The following DLG4 variants were observed in gnomAD, a reference collection of about 807,000 sequenced individuals.
DLG4 encodes discs large MAGUK scaffold protein 4, also known as disks large homolog 4.
Under a neutral mutation model 93.8 loss-of-function variants are expected in DLG4, and 7 were observed. That is an observed-to-expected ratio of 0.07 (90% CI 0.04 to 0.14). DLG4 has a LOEUF of 0.14. DLG4 is among the 10% of genes least tolerant of loss of function. The pLI is 1.00. For synonymous variants in DLG4, 341 were observed against 387.6 expected (o/e 0.88, Z 1.41); for missense variants, 545 against 992.9 (o/e 0.55, Z 6.06).
upstream of DLG4, chr17:7,217,712 G>A: frequency 1.3e-6 from 2 of 1,534,840 alleles, no homozygotes; most frequent in Non-Finnish European, 1.7e-6. Flanking sequence ...TTCTGTGCTG[G>A]CAGGAACCCG....
At position 7,197,033 on chromosome 17, in the gene DLG4, G is replaced by C; in HGVS notation, c.807C>G (p.Asp269Glu). The change falls in exon 9 of 20, where the codon GAC becomes GAG. Residue 269 changes from aspartate (D) to glutamate (E), a missense_variant. Coordinates refer to ENST00000399506, the MANE Select transcript of DLG4 (RefSeq NM_001321075.3). The stretch of plus-strand genomic sequence containing the variant: ...GGTAGCTGCTGTGACTGATCTCATT[G>C]TCCAGGTGCTGGGAATAAGCTGAGG... ...DITTSYSQHLDNEISHSSYLG... is the reference protein window; with the variant it reads ...DITTSYSQHLENEISHSSYLG... The C allele has an allele frequency of 1.2e-6, 2 of 1,611,394 alleles. No individual in the cohort carries two copies. Among genetic ancestry groups the C allele is most frequent in the Non-Finnish European group, 1.7e-6 (2 of 1,178,216 alleles).
At chr17:7,217,919 G>A (rs1215877320), upstream of DLG4, 14 of 1,178,516 alleles carry the variant, frequency 1.2e-5, no homozygotes, top group South Asian at 1.8e-4. Context: ...GGCGGTAGGG[G>A]GTCGGGTGTG....
rs2070983068 is a variant in DLG4 at position 7,217,548 on chromosome 17, CGGGGG to C, written c.-406_-402del. 1 of 183,368 alleles carries C rather than the reference CGGGGG, an allele frequency of 5.5e-6. No homozygotes were observed. The highest frequency in any genetic ancestry group is 6.2e-6 in the Non-Finnish European group (1 of 161,208). The allele number at this position is 183,368 out of a possible 1,614,324, so 11.4% of individuals were successfully genotyped here. A position where few individuals can be genotyped will look rare whatever the true frequency, so the allele number is the denominator to read the frequency against. ...AACGGCCAGGGGCTAGGGGCCGTGGCGGGGGAGTGGGGTGGGGGGGTTGGAAACGG... is the reference window on the plus strand; with the variant it reads ...AACGGCCAGGGGCTAGGGGCCGTGGCAGTGGGGTGGGGGGGTTGGAAACGG... On this transcript the variant is annotated 5_prime_UTR_variant, in exon 1 of 20. Transcript: ENST00000399506.
chr17:7,197,641 T>C (rs2069867106), intron 8 of DLG4, among the ~76,000 whole-genome samples: 1 of 152,022 alleles, frequency 6.6e-6, no homozygotes, highest in Non-Finnish European at 1.5e-5. Flanking sequence ...CGCGCCACCA[T>C]GCCCAGCTAA....
intron 8 of DLG4, among the ~76,000 whole-genome samples, chr17:7,197,625 C>G (rs1422129027): frequency 2.0e-5 from 3 of 152,128 alleles, no homozygotes; most frequent in African/African-American, 7.2e-5. Context: ...GCTGGGATTA[C>G]AGGCGCGCGC....
rs1211165694 is a variant in DLG4 at position 7,196,885 on chromosome 17, C to T, written c.955G>A (p.Gly319Ser). The T allele has an allele frequency of 1.2e-6, 2 of 1,613,876 alleles. No individual in the cohort carries two copies. Among genetic ancestry groups the T allele is most frequent in the Non-Finnish European group, 8.5e-7 (1 of 1,179,856 alleles). ...REPRRIVIHR[G>S]STGLGFNIVG... ...ATGTTGAAGCCCAGGCCCGTGGAGC[C>T]CCGGTGGATCACAATTCGCCTCGGT... Residue 319 changes from glycine (G) to serine (S), a missense_variant, in exon 9 of 20, where the codon GGC (glycine) becomes AGC (serine). This residue lies in a region of DLG4 where 428 missense variants were observed against 741.4 expected (regional missense o/e 0.58). Coordinates refer to ENST00000399506, the MANE Select transcript of DLG4 (RefSeq NM_001321075.3). This position sits in a 1 kb window ranked among gnomAD's most constrained non-coding sequence, Gnocchi z 8.3.
Position 7,203,742 on chromosome 17 carries a change from G to A in DLG4, c.285C>T (p.Phe95=), listed in dbSNP as rs1397164374. Residue 95 remains phenylalanine (F), a synonymous_variant, in exon 5 of 20, where the codon TTC becomes TTT. Coordinates refer to ENST00000399506, the MANE Select transcript of DLG4 (RefSeq NM_001321075.3). The surrounding 1 kb of genome is among the most constrained non-coding windows in gnomAD (Gnocchi z 7.2). ...NPHIGDDPSI[F]ITKIIPGGAA... ...CCCCACCAGGAATGATCTTGGTGATGAAAATGGATGGGTCGTCACCGATGT... is the reference window on the plus strand; with the variant it reads ...CCCCACCAGGAATGATCTTGGTGATAAAAATGGATGGGTCGTCACCGATGT... 3 of 1,613,722 alleles carry A rather than the reference G, an allele frequency of 1.9e-6. No homozygotes were observed. The highest frequency in any genetic ancestry group is 1.7e-6 in the Non-Finnish European group (2 of 1,179,818).
At chr17:7,200,043 A>G (rs2070037895) in intron 8 of DLG4, among the ~76,000 whole-genome samples, 1 of 151,996 alleles carries the variant, frequency 6.6e-6, no homozygotes, top group Admixed American at 6.6e-5. Context: ...CAAGGAGCCC[A>G]GGTTCCTTTT....
chr17:7,188,137 G>A lies in DLG4; in HGVS notation c.*2571C>T, dbSNP rs868656439. 4.0e-5 allele frequency among the ~76,000 whole-genome samples: 6 copies of A among 151,728 alleles called. No homozygotes were observed. Among genetic ancestry groups the A allele is most frequent in the Non-Finnish European group, 8.8e-5 (6 of 67,986 alleles). On this transcript the variant is annotated 3_prime_UTR_variant, in exon 20 of 20. Coordinates refer to ENST00000399506, the MANE Select transcript of DLG4 (RefSeq NM_001321075.3). ...ACCCAGTGAGACATCAAAATCACCC[G>A]GGAGCTTTCCAGAAATGCAGACCCC...
chr17:7,202,710 G>T, intron 8 of DLG4, 193 bp downstream of exon 8: 1 of 739,626 alleles, frequency 1.4e-6, no homozygotes, highest in South Asian at 2.6e-5. Context: ...GAGAGAGATC[G>T]TTGACGATCT....
At chr17:7,219,928 G>A, upstream of DLG4, 1 of 1,573,630 alleles carries the variant, frequency 6.4e-7, no homozygotes, top group Non-Finnish European at 8.6e-7. Flanking sequence ...ACGTGGGCGT[G>A]CAGGACGCCA....
upstream of DLG4, chr17:7,218,774 C>G: frequency 6.2e-7 from 1 of 1,606,460 alleles, no homozygotes; most frequent in South Asian, 1.1e-5. Context: ...GATCTCCGAG[C>G]CCCAGCCCCC....
Position 7,191,441 on chromosome 17 carries a change from ATTC to A in DLG4, c.1977-86_1977-84del, listed in dbSNP as rs781698938. On this transcript the variant is annotated intron_variant, in intron 18 of 19. Transcript: ENST00000399506. This position sits in a 1 kb window ranked among gnomAD's most constrained non-coding sequence, Gnocchi z 6.6. ...TCTCCTCTATCCAGGAATGTTAAGT[ATTC>A]TTCTATTTGGAGCACATAGCAAAAA... is the stretch of plus-strand genomic sequence containing the variant. 22 of 1,084,244 alleles carry A rather than the reference ATTC, an allele frequency of 2.0e-5. No homozygotes were observed. The highest frequency in any genetic ancestry group is 2.9e-5 in the Non-Finnish European group (21 of 713,198). 67.2% of individuals were successfully genotyped at this position (1,084,244 alleles called of 1,614,324 possible).
chr17:7,193,152 A>G lies in DLG4; in HGVS notation c.1694-35T>C, dbSNP rs1222248266. On this transcript the variant is annotated intron_variant, in intron 16 of 19. Coordinates refer to ENST00000399506, the MANE Select transcript of DLG4 (RefSeq NM_001321075.3). The surrounding 1 kb of genome is among the most constrained non-coding windows in gnomAD (Gnocchi z 6.7). ...AGTCACCCCACCCCCCAAAGATCTA[A>G]CCACCATCCCTCTAGCTTAAATCCT... is the stretch of plus-strand genomic sequence containing the variant. The G allele has an allele frequency of 1.2e-6, 2 of 1,611,180 alleles. No homozygotes were observed. The highest frequency in any genetic ancestry group is 3.3e-5 in the Admixed American group (2 of 59,920).
chr17:7,205,142 TCCC>T, intron 2 of DLG4: 7 of 985,436 alleles, frequency 7.1e-6, no homozygotes, highest in Non-Finnish European at 8.4e-6. Context: ...CCTTCCTCGC[TCCC>T]CTACGCCCCT....
chr17:7,200,014 T>C (rs1478884119), intron 8 of DLG4, among the ~76,000 whole-genome samples: 1 of 152,004 alleles, frequency 6.6e-6, no homozygotes, highest in Non-Finnish European at 1.5e-5. Flanking sequence ...AAAAAAAGAT[T>C]TTAAATTGAC....
Position 7,194,749 on chromosome 17 carries a change from G to A in DLG4, c.1302-254C>T, listed in dbSNP as rs926185970. Among the ~76,000 whole-genome samples, 3 of 152,342 alleles carry A rather than the reference G, an allele frequency of 2.0e-5. No individual in the cohort carries two copies. The highest frequency in any genetic ancestry group is 3.4e-3 in the Middle Eastern group (1 of 294). On this transcript the variant is annotated intron_variant, in intron 11 of 19. Transcript: ENST00000399506. The surrounding 1 kb of genome is among the most constrained non-coding windows in gnomAD (Gnocchi z 4.4). ...TGACCCTCTCAAGAAAGCAGTTTGG[G>A]CCAGGCGTGGTGGCTCCCACCTGGA...
chr17:7,187,261 C>T lies in DLG4; in HGVS notation c.*3447G>A, dbSNP rs1470923512. On this transcript the variant is annotated 3_prime_UTR_variant, in exon 20 of 20. Transcript: ENST00000399506. ...AATTTACAAAATAATGCATGCAGGC[C>T]AGGCGCGGTGGCTCATGCCTGTAAT... Among the ~76,000 whole-genome samples, 1 of 136,686 alleles carries T rather than the reference C, an allele frequency of 7.3e-6. No homozygotes were observed. The highest frequency in any genetic ancestry group is 2.6e-5 in the African/African-American group (1 of 38,014). 89.7% of individuals were successfully genotyped at this position (136,686 alleles called of 152,430 possible).
At chr17:7,218,811 C>G, upstream of DLG4, 1 of 1,613,764 alleles carries the variant, frequency 6.2e-7, no homozygotes, top group Non-Finnish European at 8.5e-7. Context: ...CTCCCCTCCA[C>G]AAGGAGCCCT....
Sources: gnomAD v4.1 joint callset for allele counts (sites outside exome capture counted in the v4.1 genomes callset) on GRCh38, gnomAD v4.1.1 for gene constraint, gnomAD v4.1.1 regional missense constraint, Gnocchi (gnomAD v3.1) non-coding constraint, MANE v1.5 for transcripts, NCBI Gene and HGNC (gene_info 2026-07-23, HGNC 2026-07-21) for gene names.